ORC4: variants seen among roughly 807,000 people sequenced by gnomAD.
ORC4 encodes the protein origin recognition complex, subunit 4 homolog.
Under a neutral mutation model 63.9 loss-of-function variants are expected in ORC4, and 55 were observed. The observed-to-expected ratio is 0.86, with a 90% CI of 0.69 to 1.08. ORC4 has a LOEUF of 1.08. Ranked by LOEUF, ORC4 falls within the 50% of genes least tolerant of loss-of-function variation. The pLI is 0.00. For missense variants in ORC4, 511 were observed against 504.4 expected (o/e 1.01, Z -0.13); for synonymous variants, 150 against 168.5 (o/e 0.89, Z 0.85).
At chr2:147,939,611 T>C (rs1265837395) in intron 10 of ORC4, among the ~76,000 whole-genome samples, 2 of 152,174 alleles carry the variant, frequency 1.3e-5, no homozygotes, top group African/African-American at 2.4e-5. Context: ...AAGGCAGATC[T>C]ACGCCTTACT....
intron 3 of ORC4, 51 bp from the exon 4 acceptor site, chr2:147,972,880 T>C: frequency 1.6e-6 from 2 of 1,220,390 alleles, no homozygotes; most frequent in Non-Finnish European, 2.4e-6. Context: ...TGGAATACTT[T>C]GTTATGTTGT....
intron 1 of ORC4, among the ~76,000 whole-genome samples, chr2:147,992,208 T>TA (rs1251228799): frequency 6.6e-6 from 1 of 152,156 alleles, no homozygotes; most frequent in Non-Finnish European, 1.5e-5. Flanking sequence ...CTAATGTGTT[T>TA]AATTGGATGG....
intron 3 of ORC4, 125 bp downstream of exon 3, chr2:147,973,323 A>C: frequency 1.4e-6 from 1 of 702,428 alleles, no homozygotes; most frequent in South Asian, 1.6e-5. Flanking sequence ...ACAAAGCAAA[A>C]TTTTTTATTT....
chr2:147,956,448 C>T (rs530834432), intron 6 of ORC4, among the ~76,000 whole-genome samples: 5 of 152,044 alleles, frequency 3.3e-5, no homozygotes, highest in East Asian at 1.9e-4. Flanking sequence ...TCTATAAATA[C>T]GTATTTGTGC....
chr2:148,017,390 T>C (rs1693369977), intron 1 of ORC4, among the ~76,000 whole-genome samples: 1 of 152,234 alleles, frequency 6.6e-6, no homozygotes, highest in African/African-American at 2.4e-5. Context: ...TTGCAGCTAA[T>C]GCCGGGTGCA....
intron 1 of ORC4, among the ~76,000 whole-genome samples, chr2:148,000,618 T>C (rs907706545): frequency 6.6e-6 from 1 of 152,040 alleles, no homozygotes; most frequent in African/African-American, 2.4e-5. Context: ...ACAGAGGAAC[T>C]AGCATAGGAT....
intron 10 of ORC4, among the ~76,000 whole-genome samples, chr2:147,943,110 C>G (rs949541001): frequency 1.3e-5 from 2 of 151,994 alleles, no homozygotes; most frequent in African/African-American, 4.8e-5. Context: ...AGTAATCAAA[C>G]AAGAAATCAA....
intron 1 of ORC4, among the ~76,000 whole-genome samples, chr2:147,988,582 C>G (rs1025511521): frequency 3.3e-5 from 5 of 152,016 alleles, no homozygotes; most frequent in Non-Finnish European, 1.5e-5. Flanking sequence ...TGGTCTCGAA[C>G]TCCTGACCTC....
chr2:147,963,508 C>T (rs1485192661), intron 4 of ORC4, among the ~76,000 whole-genome samples: 1 of 152,178 alleles, frequency 6.6e-6, no homozygotes, highest in Non-Finnish European at 1.5e-5. Context: ...AGATACGGCC[C>T]TAAGCCAGTC....
intron 7 of ORC4, among the ~76,000 whole-genome samples, chr2:147,954,275 G>T (rs1480999630): frequency 6.6e-6 from 1 of 152,116 alleles, no homozygotes; most frequent in East Asian, 1.9e-4. Context: ...AGACCCAACA[G>T]GAAATACAGT....
intron 6 of ORC4, among the ~76,000 whole-genome samples, chr2:147,957,893 C>T (rs1039857203): frequency 1.3e-5 from 2 of 152,058 alleles, no homozygotes; most frequent in African/African-American, 4.8e-5. Flanking sequence ...CTATTGCAGC[C>T]TCAAATTTAG....
intron 4 of ORC4, among the ~76,000 whole-genome samples, chr2:147,969,597 T>C (rs180682178): frequency 9.2e-5 from 14 of 151,718 alleles, no homozygotes; most frequent in South Asian, 8.3e-4. Context: ...GAAAATCACA[T>C]TGGCCATATG....
intron 1 of ORC4, among the ~76,000 whole-genome samples, chr2:148,004,411 A>T (rs1692498200): frequency 6.6e-6 from 1 of 152,322 alleles, no homozygotes. Context: ...GTACCAAAAC[A>T]GATATACAGA....
chr2:147,998,101 C>G (rs1692078808), intron 1 of ORC4, among the ~76,000 whole-genome samples: 1 of 152,068 alleles, frequency 6.6e-6, no homozygotes, highest in Admixed American at 6.6e-5. Flanking sequence ...ACAAACCATA[C>G]AAGTGGTCAT....
chr2:147,950,080 T>C (rs1407289935), intron 8 of ORC4, among the ~76,000 whole-genome samples: 1 of 152,120 alleles, frequency 6.6e-6, no homozygotes, highest in Non-Finnish European at 1.5e-5. Context: ...AAATTTTGAA[T>C]GTTTTTATGA....
rs1558871192 is a variant in ORC4 at position 147,997,901 on chromosome 2, A to G, written c.-17-21926T>C. ...TATTTTAACTTTTAAACATGTTACA[A>G]ACATAAAATGTGTTTTAACATAAAA... On this transcript the variant is annotated intron_variant, in intron 1 of 13. Transcript: ENST00000392857. 3.3e-5 allele frequency among the ~76,000 whole-genome samples: 5 copies of G among 152,338 alleles called. No homozygotes were observed. In the South Asian group the frequency reaches 8.3e-4, roughly 25 times the overall value.
intron 1 of ORC4, among the ~76,000 whole-genome samples, chr2:148,001,100 T>C (rs1692273535): frequency 6.6e-6 from 1 of 152,132 alleles, no homozygotes. Flanking sequence ...ACAGCCTTCC[T>C]GGGATTAAGC....
intron 1 of ORC4, among the ~76,000 whole-genome samples, chr2:147,979,522 A>G (rs1200483779): frequency 6.6e-6 from 1 of 152,216 alleles, no homozygotes; most frequent in Non-Finnish European, 1.5e-5. Flanking sequence ...CTGGAAGTGA[A>G]GGTTCAAAGT....
At chr2:147,955,490 T>C (rs1689197539) in intron 6 of ORC4, 95 bp from the exon 7 acceptor site, 3 of 832,916 alleles carry the variant, frequency 3.6e-6, no homozygotes, top group Non-Finnish European at 4.0e-6. Context: ...AAACACTGTA[T>C]ATCTTCTAGT....
Sources: allele counts gnomAD v4.1 joint callset (sites outside exome capture counted in the v4.1 genomes callset), GRCh38; gene constraint gnomAD v4.1.1; transcripts MANE v1.5; gene names NCBI Gene and HGNC (gene_info 2026-07-23, HGNC 2026-07-21).